DDX10: variants seen among roughly 807,000 people sequenced by gnomAD.
The protein encoded by DDX10 is probable ATP-dependent RNA helicase DDX10.
DDX10 carries 74 observed loss-of-function variants against 104.3 expected under a neutral mutation model. The ratio of observed to expected loss-of-function variants is 0.71; its 90% CI spans 0.59 to 0.86. DDX10 has a LOEUF of 0.86. Ranked by LOEUF, DDX10 falls within the 40% of genes least tolerant of loss-of-function variation. The probability of loss-of-function intolerance (pLI) is 0.00; values close to 1 mark genes in which losing one functional copy is unlikely to be tolerated. For missense variants in DDX10, 952 were observed against 1,040.0 expected, an observed-to-expected ratio of 0.92 and a Z score of 1.16; for synonymous variants, 351 against 353.4, an observed-to-expected ratio of 0.99 and a Z score of 0.08.
intron 13 of DDX10, among the ~76,000 whole-genome samples, chr11:108,743,233 A>G (rs2094327454): frequency 6.6e-6 from 1 of 152,212 alleles, no homozygotes; most frequent in South Asian, 2.1e-4. Context: ...ACATATGCAA[A>G]TCAATAAATG....
At chr11:108,761,717 C>A (rs1289130396) in intron 13 of DDX10, among the ~76,000 whole-genome samples, 1 of 152,060 alleles carries the variant, frequency 6.6e-6, no homozygotes, top group East Asian at 1.9e-4. Flanking sequence ...GTTTCTACTC[C>A]AACTTACATA....
chr11:108,785,614 C>G (rs186495226), intron 13 of DDX10, among the ~76,000 whole-genome samples: 4 of 152,202 alleles, frequency 2.6e-5, no homozygotes, highest in Non-Finnish European at 5.9e-5. Flanking sequence ...ATCAGTGATT[C>G]AATTTCTGAA....
intron 13 of DDX10, among the ~76,000 whole-genome samples, chr11:108,826,391 T>C (rs1232152986): frequency 3.9e-5 from 6 of 152,134 alleles, no homozygotes; most frequent in African/African-American, 1.2e-4. Flanking sequence ...TTTACTATTA[T>C]ACTAACATTC....
chr11:108,715,903 T>C lies in DDX10; in HGVS notation c.1347T>C (p.Asp449=). ...EIKINPEKLI[D]VQKKLESILA... is the part of the protein sequence containing the mutation. ...GAATCAATCCAGAAAAACTTATAGA[T>C]GTCCAGAAAAAATTGGAATCTATTT... The change falls in exon 11 of 18, where the codon GAT becomes GAC. Residue 449 remains aspartate (D), a synonymous_variant. Transcript: ENST00000322536. 1 of 1,547,970 alleles carries C rather than the reference T, an allele frequency of 6.5e-7. No homozygotes were observed. The highest frequency in any genetic ancestry group is 1.1e-5 in the South Asian group (1 of 88,392).
At chr11:108,742,038 C>CAG (rs2094325802) in intron 13 of DDX10, among the ~76,000 whole-genome samples, 1 of 152,094 alleles carries the variant, frequency 6.6e-6, no homozygotes, top group Non-Finnish European at 1.5e-5. Context: ...GTGGGTGGAT[C>CAG]GCCTGAGATC....
chr11:108,777,052 G>A (rs988834930), intron 13 of DDX10, among the ~76,000 whole-genome samples: 3 of 152,172 alleles, frequency 2.0e-5, no homozygotes, highest in Non-Finnish European at 2.9e-5. Context: ...ATATTAAGTG[G>A]CCAGGTTTGT....
At chr11:108,880,272 T>C (rs767401211) in intron 16 of DDX10, among the ~76,000 whole-genome samples, 4 of 152,174 alleles carry the variant, frequency 2.6e-5, no homozygotes, top group Non-Finnish European at 5.9e-5. Context: ...TGTGTCTTCC[T>C]CTTCTTCTAA....
chr11:108,848,754 T>C (rs1272644364), intron 15 of DDX10, among the ~76,000 whole-genome samples: 1 of 152,060 alleles, frequency 6.6e-6, no homozygotes, highest in South Asian at 2.1e-4. Context: ...AAAAACCATA[T>C]GGTGTTGGAG....
intron 13 of DDX10, 73 bp from the exon 14 acceptor site, chr11:108,838,373 T>G: frequency 6.7e-7 from 1 of 1,498,752 alleles, no homozygotes; most frequent in Non-Finnish European, 9.0e-7. Context: ...AGAAGTATAT[T>G]GCCAGAGTTG....
At chr11:108,918,644 A>C (rs1445243638) in intron 17 of DDX10, 1 of 152,108 alleles carries the variant, frequency 6.6e-6, no homozygotes, top group Non-Finnish European at 1.5e-5. Flanking sequence ...ATTTTTTTTT[A>C]ATAAATAAAA....
At chr11:108,717,629 AAAG>A (rs2094293222) in intron 11 of DDX10, among the ~76,000 whole-genome samples, 1 of 152,216 alleles carries the variant, frequency 6.6e-6, no homozygotes, top group African/African-American at 2.4e-5. Flanking sequence ...AGTTTTATAT[AAAG>A]AAGAGATCTT....
chr11:108,918,209 G>A, intron 17 of DDX10, 191 bp downstream of exon 17: 1 of 599,966 alleles, frequency 1.7e-6, no homozygotes, highest in Non-Finnish European at 2.9e-6. Flanking sequence ...TTCTGGTCAT[G>A]TTAGGGCCTT....
intron 13 of DDX10, among the ~76,000 whole-genome samples, chr11:108,809,155 C>T (rs765837474): frequency 5.3e-5 from 8 of 152,054 alleles, no homozygotes; most frequent in East Asian, 1.9e-4. Context: ...CATTAACACC[C>T]GCTTCAATTG....
intron 13 of DDX10, among the ~76,000 whole-genome samples, chr11:108,746,110 T>A (rs974750651): frequency 1.3e-4 from 20 of 152,160 alleles, no homozygotes; most frequent in African/African-American, 4.8e-4. Context: ...ACTAATCTAT[T>A]TTCTGTCTGT....
At chr11:108,666,020 T>G (rs2094209679) in intron 1 of DDX10, among the ~76,000 whole-genome samples, 1 of 152,214 alleles carries the variant, frequency 6.6e-6, no homozygotes, top group African/African-American at 2.4e-5. Flanking sequence ...TGAGTATACC[T>G]GTAATGATCA....
chr11:108,806,532 C>T lies in DDX10; in HGVS notation c.1966-31914C>T, dbSNP rs186328550. The stretch of plus-strand genomic sequence containing the variant: ...TAATCCATACAGTAGTCATCAAGGC[C>T]ATGTTAGCTGCAGAGCCACAAATAG... On this transcript the variant is annotated intron_variant, in intron 13 of 17. Transcript: ENST00000322536. Among the ~76,000 whole-genome samples the T allele has an allele frequency of 1.1e-3, 165 of 152,268 alleles. 2 individuals carry two copies. Among genetic ancestry groups the T allele is most frequent in the African/African-American group, 3.9e-3 (162 of 41,546 alleles).
chr11:108,939,587 C>A (rs1864079615), intron 17 of DDX10, among the ~76,000 whole-genome samples: 1 of 152,130 alleles, frequency 6.6e-6, no homozygotes, highest in Admixed American at 6.5e-5. Context: ...TTTGCTTTTT[C>A]TTCTGTTTTT....
intron 16 of DDX10, among the ~76,000 whole-genome samples, chr11:108,878,208 AAAAAG>A (rs142368348): frequency 0.022 from 3,284 of 152,320 alleles, 113 homozygotes; most frequent in African/African-American, 0.073. Flanking sequence ...AAAGGTTTTT[AAAAAG>A]AAAAGATAGA....
At chr11:108,926,152 A>T (rs554472572) in intron 17 of DDX10, among the ~76,000 whole-genome samples, 11 of 151,274 alleles carry the variant, frequency 7.3e-5, no homozygotes, top group East Asian at 3.9e-4. Context: ...TTTTTTTTTT[A>T]AATCTGGGAG....
Sources: gnomAD v4.1 joint callset for allele counts (sites outside exome capture counted in the v4.1 genomes callset) on GRCh38, gnomAD v4.1.1 for gene constraint, MANE v1.5 for transcripts, NCBI Gene and HGNC (gene_info 2026-07-23, HGNC 2026-07-21) for gene names.